Variants in RYR2 observed in about 807,000 individuals in gnomAD.
The protein encoded by RYR2 is cardiac muscle ryanodine receptor-calcium release channel.
Under a neutral mutation model 601.1 loss-of-function variants are expected in RYR2, and 227 were observed. The observed-to-expected ratio is 0.38, with a 90% CI of 0.34 to 0.42. The LOEUF is 0.42. Ranked by LOEUF, RYR2 falls within the 10% of genes least tolerant of loss-of-function variation. RYR2 has a pLI of 1.00. For missense variants in RYR2, 4,646 were observed against 6,156.5 expected, an observed-to-expected ratio of 0.75 and a Z score of 8.21; for synonymous variants, 2,223 against 2,175.1, an observed-to-expected ratio of 1.02 and a Z score of -0.61.
chr1:237,100,673 AC>A (rs1441285231), intron 1 of RYR2, among the ~76,000 whole-genome samples: 1 of 152,156 alleles, frequency 6.6e-6, no homozygotes, highest in Non-Finnish European at 1.5e-5. Flanking sequence ...GGCATGAGCC[AC>A]CGTGCCTGGC....
intron 2 of RYR2, among the ~76,000 whole-genome samples, chr1:237,312,652 A>G (rs1381982816): frequency 6.6e-6 from 1 of 152,228 alleles, no homozygotes; most frequent in Non-Finnish European, 1.5e-5. Context: ...CATGTATAAA[A>G]TCTGTGACAT....
chr1:237,347,214 T>A (rs749641167), intron 3 of RYR2, among the ~76,000 whole-genome samples: 1 of 152,014 alleles, frequency 6.6e-6, no homozygotes, highest in Non-Finnish European at 1.5e-5. Context: ...TCCCAGCTAC[T>A]CAGGAGGCTG....
At chr1:237,689,713 T>C (rs1057014251) in intron 63 of RYR2, among the ~76,000 whole-genome samples, 1 of 152,196 alleles carries the variant, frequency 6.6e-6, no homozygotes, top group Non-Finnish European at 1.5e-5. Flanking sequence ...TTTTTGCACA[T>C]TTTTATATTA....
chr1:237,456,646 A>G lies in RYR2; in HGVS notation c.1523A>G (p.Tyr508Cys), dbSNP rs1373830715. The change falls in exon 16 of 105, where the codon TAC becomes TGC. Residue 508 changes from tyrosine (Y) to cysteine (C), a missense_variant. Physicochemically the swap from Tyr to Cys is radical, Grantham distance 194 (BLOSUM62 -2). Transcript: ENST00000366574. ...VLECIDRLHV[Y>C]SSAAHFADVA... ...GAGTGCATAGACCGTTTGCACGTCTACAGCAGTGCAGCACACTTTGCTGAT... is the reference window on the plus strand; with the variant it reads ...GAGTGCATAGACCGTTTGCACGTCTGCAGCAGTGCAGCACACTTTGCTGAT... The G allele has an allele frequency of 6.2e-7, 1 of 1,611,756 alleles. No homozygotes were observed. The highest frequency in any genetic ancestry group is 1.3e-5 in the African/African-American group (1 of 74,712).
At chr1:237,260,936 A>G (rs554403807) in intron 1 of RYR2, among the ~76,000 whole-genome samples, 1 of 152,358 alleles carries the variant, frequency 6.6e-6, no homozygotes, top group South Asian at 2.1e-4. Flanking sequence ...TTTTAAATGA[A>G]TAAATATAGA....
At chr1:237,288,611 G>A (rs572022614) in intron 2 of RYR2, among the ~76,000 whole-genome samples, 3 of 151,968 alleles carry the variant, frequency 2.0e-5, no homozygotes, top group Admixed American at 1.3e-4. Context: ...GTAGTCACAG[G>A]CCTCACCCAG....
chr1:237,233,205 C>T (rs551260706), intron 1 of RYR2, among the ~76,000 whole-genome samples: 2 of 152,296 alleles, frequency 1.3e-5, no homozygotes, highest in African/African-American at 2.4e-5. Context: ...TATGTTCCAA[C>T]GAATGCTGTA....
chr1:237,717,129 G>A (rs1689329747), intron 71 of RYR2, 69 bp from the exon 72 acceptor site: 2 of 1,383,140 alleles, frequency 1.4e-6, no homozygotes, highest in Admixed American at 1.9e-5. Flanking sequence ...ACAAGTTAGG[G>A]AAGAGTCATA....
intron 39 of RYR2, among the ~76,000 whole-genome samples, chr1:237,624,544 AT>A (rs1679438347): frequency 6.6e-6 from 1 of 152,206 alleles, no homozygotes; most frequent in South Asian, 2.1e-4. Flanking sequence ...TAAGAAAGAA[AT>A]TTGATCACAA....
chr1:237,061,277 A>ATCTATCATCTG (rs1491503254), intron 1 of RYR2, among the ~76,000 whole-genome samples: 2 of 11,374 alleles, frequency 1.8e-4, no homozygotes, highest in African/African-American at 4.4e-4. Context: ...TCCATCTATC[A>ATCTATCATCTG]TCTATCTATC....
At chr1:237,822,791 T>C (rs569531508) in intron 101 of RYR2, among the ~76,000 whole-genome samples, 1 of 152,260 alleles carries the variant, frequency 6.6e-6, no homozygotes, top group Non-Finnish European at 1.5e-5. Flanking sequence ...ACCCATCTCA[T>C]GTGCAAAGAC....
At position 237,356,044 on chromosome 1, in the gene RYR2, G is replaced by A. The variant is rs561186403; in HGVS notation, c.294+59G>A. 4.9e-5 allele frequency: 72 copies of A among 1,483,024 alleles called. No homozygotes were observed. The East Asian group carries it at 8.3e-4, about 17-fold the overall frequency. The allele number at this position is 1,483,024 out of a possible 1,614,324, so 91.9% of individuals were successfully genotyped here. On this transcript the variant is annotated intron_variant, in intron 4 of 104. Transcript: ENST00000366574. The stretch of plus-strand genomic sequence containing the variant: ...GATCTAAAAGTGCATGCTTGCTCTC[G>A]CCTCTAATCTTTCATTTTGCTTCCT...
Position 237,484,366 on chromosome 1 carries a change from G to C in RYR2, c.1709-7440G>C, listed in dbSNP as rs115785770. 3.7e-3 allele frequency among the ~76,000 whole-genome samples: 564 copies of C among 152,234 alleles called. 3 individuals carry two copies. Among genetic ancestry groups the C allele is most frequent in the African/African-American group, 0.013 (525 of 41,538 alleles). On this transcript the variant is annotated intron_variant, in intron 17 of 104. Coordinates refer to ENST00000366574, the MANE Select transcript of RYR2 (RefSeq NM_001035.3). The stretch of plus-strand genomic sequence containing the variant: ...AACCATAGATGAGAAACAGTACCAT[G>C]GGGGGTGGGGCATGGTGGTTTCTAA...
At position 237,480,289 on chromosome 1, in the gene RYR2, T is replaced by G. The variant is rs1006812556; in HGVS notation, c.1708+11102T>G. 2.0e-5 allele frequency among the ~76,000 whole-genome samples: 3 copies of G among 147,942 alleles called. 1 individual carries two copies. The South Asian group carries it at 6.4e-4, about 31-fold the overall frequency. On this transcript the variant is annotated intron_variant, in intron 17 of 104. Coordinates refer to ENST00000366574, the MANE Select transcript of RYR2 (RefSeq NM_001035.3). The stretch of plus-strand genomic sequence containing the variant: ...CAAAAATCAGCTGGGTGTGGTGGCA[T>G]GCGCCTGTTGTCCCAGTTACTTGGG...
At chr1:237,173,852 C>T (rs1558366927) in intron 1 of RYR2, among the ~76,000 whole-genome samples, 1 of 151,700 alleles carries the variant, frequency 6.6e-6, no homozygotes, top group African/African-American at 2.4e-5. Flanking sequence ...GTCAGGAGAT[C>T]GAGACCATCC....
chr1:237,276,808 T>C (rs1044579696), intron 2 of RYR2, among the ~76,000 whole-genome samples: 15 of 152,134 alleles, frequency 9.9e-5, no homozygotes, highest in Non-Finnish European at 1.2e-4. Context: ...AAATAAATAG[T>C]GTGGTAGAAG....
intron 98 of RYR2, among the ~76,000 whole-genome samples, chr1:237,803,311 C>CT (rs10637217): frequency 0.023 from 3,430 of 148,006 alleles, 115 homozygotes; most frequent in African/African-American, 0.078. Flanking sequence ...TTGCATTTTT[C>CT]TTTTTTTTTT....
intron 80 of RYR2, among the ~76,000 whole-genome samples, chr1:237,753,003 C>T (rs1416956197): frequency 6.6e-6 from 1 of 152,112 alleles, no homozygotes; most frequent in South Asian, 2.1e-4. Flanking sequence ...CAAAAGAACA[C>T]AAAGTAGATG....
intron 80 of RYR2, among the ~76,000 whole-genome samples, chr1:237,750,798 G>A (rs978371428): frequency 2.2e-4 from 34 of 152,202 alleles, no homozygotes; most frequent in African/African-American, 8.2e-4. Flanking sequence ...AGCATAAAAT[G>A]GCTACCAAGT....
Sources: allele counts gnomAD v4.1 joint callset (sites outside exome capture counted in the v4.1 genomes callset), GRCh38; gene constraint gnomAD v4.1.1; transcripts MANE v1.5; gene names NCBI Gene and HGNC (gene_info 2026-07-23, HGNC 2026-07-21).